ETFA: variants seen among roughly 807,000 people sequenced by gnomAD.
ETFA encodes the protein electron transfer flavoprotein subunit alpha.
ETFA carries 22 observed loss-of-function variants against 46.2 expected under a neutral mutation model. The ratio of observed to expected loss-of-function variants is 0.48; its 90% confidence interval spans 0.34 to 0.68. The LOEUF is 0.68. Among genes scored for constraint, ETFA ranks in the 30% least tolerant of loss-of-function variants. ETFA has a pLI of 0.01. For missense variants in ETFA, 345 were observed against 401.1 expected (o/e 0.86, Z 1.19); for synonymous variants, 131 against 139.9 (o/e 0.94, Z 0.45).
chr15:76,280,724 T>G lies in ETFA; in HGVS notation c.733+3033A>C, dbSNP rs568545447. Among the ~76,000 whole-genome samples the G allele has an allele frequency of 2.6e-4, 39 of 152,236 alleles. No individual in the cohort carries two copies. In the South Asian group the frequency reaches 7.7e-3, roughly 30 times the overall value. On this transcript the variant is annotated intron_variant, in intron 8 of 11. Coordinates refer to ENST00000557943, the MANE Select transcript of ETFA (RefSeq NM_000126.4). ...TCTGGTCTTGTGTTGCCTCCCAATT[T>G]TATCTCTTGCTACTTTCTCTTTTGC... is the stretch of plus-strand genomic sequence containing the variant.
At chr15:76,283,576 C>A (rs1419797600) in intron 8 of ETFA, among the ~76,000 whole-genome samples, 181 bp downstream of exon 8, 1 of 152,140 alleles carries the variant, frequency 6.6e-6, no homozygotes, top group Admixed American at 6.5e-5. Flanking sequence ...CTTCTCCTCA[C>A]TGAATGCTAT....
At chr15:76,246,917 T>C (rs977767520) in intron 9 of ETFA, among the ~76,000 whole-genome samples, 8 of 152,136 alleles carry the variant, frequency 5.3e-5, no homozygotes, top group Admixed American at 5.2e-4. Context: ...TGTCTGTGTA[T>C]GTACAACATC....
chr15:76,266,598 T>C (rs1396355549), intron 9 of ETFA, among the ~76,000 whole-genome samples: 1 of 152,170 alleles, frequency 6.6e-6, no homozygotes, highest in Non-Finnish European at 1.5e-5. Context: ...CAAAGTGCTA[T>C]TAAGCCTCAA....
intron 9 of ETFA, among the ~76,000 whole-genome samples, chr15:76,243,489 T>C (rs2039212381): frequency 6.6e-6 from 1 of 152,126 alleles, no homozygotes; most frequent in South Asian, 2.1e-4. Context: ...TTCACTGTAC[T>C]GTCTTCAAAA....
chr15:76,298,330 A>C (rs2141547725), intron 1 of ETFA, among the ~76,000 whole-genome samples: 1 of 152,302 alleles, frequency 6.6e-6, no homozygotes, highest in East Asian at 1.9e-4. Context: ...AGATTGAGCC[A>C]TCGCACCTAG....
chr15:76,269,869 A>C (rs1304201840), intron 9 of ETFA, among the ~76,000 whole-genome samples: 1 of 152,246 alleles, frequency 6.6e-6, no homozygotes, highest in African/African-American at 2.4e-5. Flanking sequence ...GAAACTTGTA[A>C]AGGAATATAT....
At chr15:76,224,922 T>C (rs779106823) in intron 11 of ETFA, among the ~76,000 whole-genome samples, 8 of 152,142 alleles carry the variant, frequency 5.3e-5, no homozygotes, top group Non-Finnish European at 1.0e-4. Context: ...ATTAATATCA[T>C]GAAAGTAATT....
intron 4 of ETFA, among the ~76,000 whole-genome samples, chr15:76,291,048 G>A (rs920772232): frequency 1.3e-5 from 2 of 152,156 alleles, no homozygotes; most frequent in Middle Eastern, 6.8e-3. Context: ...AGACTACATC[G>A]ATACAAAAAA....
At chr15:76,267,742 T>TA (rs34088666) in intron 9 of ETFA, among the ~76,000 whole-genome samples, 5 of 152,074 alleles carry the variant, frequency 3.3e-5, no homozygotes, top group Admixed American at 6.5e-5. Context: ...TTTAAATTTA[T>TA]AAAAAGATCA....
At chr15:76,282,686 A>G (rs988436352) in intron 8 of ETFA, among the ~76,000 whole-genome samples, 4 of 152,214 alleles carry the variant, frequency 2.6e-5, no homozygotes, top group African/African-American at 9.7e-5. Context: ...CGCACAGGAA[A>G]ACCACAGAAA....
At chr15:76,246,814 C>T (rs772269268) in intron 9 of ETFA, among the ~76,000 whole-genome samples, 4 of 150,566 alleles carry the variant, frequency 2.7e-5, no homozygotes, top group Admixed American at 6.6e-5. Context: ...GCCTGGGCTA[C>T]GGAGCCAAGA....
chr15:76,255,591 T>A (rs1029655512), intron 9 of ETFA, among the ~76,000 whole-genome samples: 7 of 152,236 alleles, frequency 4.6e-5, no homozygotes, highest in African/African-American at 1.7e-4. Context: ...ATATTTCATC[T>A]GCAAAATTAT....
intron 9 of ETFA, among the ~76,000 whole-genome samples, chr15:76,242,604 A>G (rs1419694963): frequency 1.3e-5 from 2 of 152,238 alleles, no homozygotes; most frequent in African/African-American, 4.8e-5. Flanking sequence ...GAATGTTCAT[A>G]GCAGCATTAT....
chr15:76,238,118 C>A (rs1302101706), intron 9 of ETFA, among the ~76,000 whole-genome samples: 1 of 152,002 alleles, frequency 6.6e-6, no homozygotes, highest in Non-Finnish European at 1.5e-5. Context: ...GATATAAAAT[C>A]ATAAATTCAT....
rs375637322 is a variant in ETFA, at chr15:76,292,381, C to G, written c.351+50G>C. ...TTGCATACTTTCAGCACAATGAAAT[C>G]TAACCCTTTCAAGCAGTGATATCAG... On this transcript the variant is annotated intron_variant, in intron 4 of 11. Transcript: ENST00000557943. 4 of 1,241,080 alleles carry G rather than the reference C, an allele frequency of 3.2e-6. No individual in the cohort carries two copies. The African/African-American group carries it at 5.9e-5, about 18-fold the overall frequency. The allele number at this position is 1,241,080 out of a possible 1,614,324, so 76.9% of individuals were successfully genotyped here. A position where few individuals can be genotyped will look rare whatever the true frequency, so the allele number is the denominator to read the frequency against.
At chr15:76,277,986 C>A (rs774980683) in intron 8 of ETFA, among the ~76,000 whole-genome samples, 1 of 152,200 alleles carries the variant, frequency 6.6e-6, no homozygotes, top group Non-Finnish European at 1.5e-5. Context: ...TGCAACCTCA[C>A]TTCTCCTATG....
intron 9 of ETFA, among the ~76,000 whole-genome samples, chr15:76,238,760 T>A (rs1231420413): frequency 6.6e-6 from 1 of 152,206 alleles, no homozygotes; most frequent in Non-Finnish European, 1.5e-5. Flanking sequence ...TGCTGCTCAT[T>A]TAAAAGGCCA....
chr15:76,261,720 G>A (rs779449470), intron 9 of ETFA: 8 of 256,824 alleles, frequency 3.1e-5, no homozygotes, highest in South Asian at 2.3e-4. Flanking sequence ...TGCCAGGCCC[G>A]GCCCACGAGT....
At chr15:76,272,499 C>T (rs935632990) in intron 9 of ETFA, among the ~76,000 whole-genome samples, 3 of 152,104 alleles carry the variant, frequency 2.0e-5, no homozygotes, top group African/African-American at 7.2e-5. Flanking sequence ...GGATTACAGG[C>T]TTGAGCCACT....
Sources: allele counts gnomAD v4.1 joint callset (sites outside exome capture counted in the v4.1 genomes callset), GRCh38; gene constraint gnomAD v4.1.1; transcripts MANE v1.5; gene names NCBI Gene and HGNC (gene_info 2026-07-23, HGNC 2026-07-21).